PCDHGA9: variants seen among roughly 807,000 people sequenced by gnomAD.
PCDHGA9 encodes protocadherin gamma-A9.
In PCDHGA9, 37 loss-of-function variants were observed where a neutral mutation model predicts 62.5. The ratio of observed to expected loss-of-function variants is 0.59; its 90% CI spans 0.46 to 0.78. The LOEUF is 0.78. Ranked by LOEUF, PCDHGA9 falls within the 30% of genes least tolerant of loss-of-function variation. PCDHGA9 has a pLI of 0.00. For missense variants in PCDHGA9, 1,138 were observed against 1,166.2 expected (o/e 0.98, Z 0.35); for synonymous variants, 459 against 484.6 (o/e 0.95, Z 0.69).
chr5:141,415,355 G>A (rs1200011688), intron 1 of PCDHGA9: 2 of 1,614,210 alleles, frequency 1.2e-6, no homozygotes, highest in Non-Finnish European at 1.7e-6. Context: ...CACAAGTCAC[G>A]CCTGCTGCAG....
At chr5:141,479,982 C>T (rs368461965) in intron 1 of PCDHGA9, among the ~76,000 whole-genome samples, 1 of 152,192 alleles carries the variant, frequency 6.6e-6, no homozygotes, top group South Asian at 2.1e-4. Flanking sequence ...CTACCATTTA[C>T]CAACTAGGAG....
rs2099730037 is a variant in PCDHGA9 at position 141,491,783 on chromosome 5, A to G, written c.2425-3024A>G. The G allele has an allele frequency of 1.3e-6, 2 of 1,539,618 alleles. No homozygotes were observed. The highest frequency in any genetic ancestry group is 2.2e-5 in the Admixed American group (1 of 46,412). On this transcript the variant is annotated intron_variant, in intron 1 of 3. Transcript: ENST00000573521. The surrounding 1 kb of genome is among the most constrained non-coding windows in gnomAD (Gnocchi z 6.9). ...CGTCCTCATAAGGGATTGAACTTGC[A>G]TCCACTCCTCTCCGGCCGGCTTGGT...
chr5:141,477,765 A>C lies in PCDHGA9; in HGVS notation c.2425-17042A>C, dbSNP rs752391870. The C allele has an allele frequency of 6.2e-7, 1 of 1,614,026 alleles. No individual in the cohort carries two copies. Among genetic ancestry groups the C allele is most frequent in the Non-Finnish European group, 8.5e-7 (1 of 1,180,036 alleles). Reference sequence around the variant, plus strand: ...GGGGGCACCCCGGTCCTAGCCACCAACATCAGCGTGAACATATTTGTCACT... The same window carrying C: ...GGGGGCACCCCGGTCCTAGCCACCACCATCAGCGTGAACATATTTGTCACT... On this transcript the variant is annotated intron_variant, in intron 1 of 3. Coordinates refer to ENST00000573521, the MANE Select transcript of PCDHGA9 (RefSeq NM_018921.3). The surrounding 1 kb of genome is among the most constrained non-coding windows in gnomAD (Gnocchi z 4.9).
At chr5:141,413,454 G>A (rs765318722) in intron 1 of PCDHGA9, 46 of 1,614,026 alleles carry the variant, frequency 2.9e-5, no homozygotes, top group Non-Finnish European at 3.7e-5. Flanking sequence ...CCGCGGGCAG[G>A]ATAGACCGGG....
In PCDHGA9 at chr5:141,485,735, G is replaced by A; in HGVS notation, c.2425-9072G>A. 6.2e-7 allele frequency: 1 copy of A among 1,614,166 alleles called. No homozygotes were observed. The highest frequency in any genetic ancestry group is 8.5e-7 in the Non-Finnish European group (1 of 1,180,036). On this transcript the variant is annotated intron_variant, in intron 1 of 3. Coordinates refer to ENST00000573521, the MANE Select transcript of PCDHGA9 (RefSeq NM_018921.3). The surrounding 1 kb of genome is among the most constrained non-coding windows in gnomAD (Gnocchi z 5.7). Reference sequence around the variant, plus strand: ...ACTGGATGTGAAGAAGCGCAGCGACGGCAGCCTGGTCCCAGAGCTGCTCCT... The same window carrying A: ...ACTGGATGTGAAGAAGCGCAGCGACAGCAGCCTGGTCCCAGAGCTGCTCCT...
chr5:141,496,772 T>C (rs994207358), intron 2 of PCDHGA9, among the ~76,000 whole-genome samples: 9 of 152,008 alleles, frequency 5.9e-5, no homozygotes, highest in African/African-American at 1.2e-4. Flanking sequence ...GCATCTACTA[T>C]GAGCAGGGCC....
rs751276470 is a variant in PCDHGA9, at chr5:141,431,560, C to A, written c.2424+26184C>A. 6.2e-7 allele frequency: 1 copy of A among 1,614,104 alleles called. No individual in the cohort carries two copies. On this transcript the variant is annotated intron_variant, in intron 1 of 3. Coordinates refer to ENST00000573521, the MANE Select transcript of PCDHGA9 (RefSeq NM_018921.3). This position sits in a 1 kb window ranked among gnomAD's most constrained non-coding sequence, Gnocchi z 4.8. ...CGCAGCTGCTTGTAGTCAACGCTAC[C>A]GACCCTGACGAAGGAGTCAATGCGG...
intron 1 of PCDHGA9, chr5:141,419,057 A>T: frequency 6.2e-7 from 1 of 1,613,900 alleles, no homozygotes; most frequent in East Asian, 2.2e-5. Flanking sequence ...TTCTTCTAAT[A>T]ATTACTACAA....
chr5:141,418,906 C>T, intron 1 of PCDHGA9: 1 of 1,613,908 alleles, frequency 6.2e-7, no homozygotes, highest in Non-Finnish European at 8.5e-7. Flanking sequence ...AAATAATCAT[C>T]ACGTCACTCT....
At chr5:141,441,736 T>C in intron 1 of PCDHGA9, 1 of 365,328 alleles carries the variant, frequency 2.7e-6, no homozygotes. Flanking sequence ...CAGGACTAGC[T>C]CGCGCTCGGC....
At position 141,490,155 on chromosome 5, in the gene PCDHGA9, G is replaced by A. The variant is rs753981059; in HGVS notation, c.2425-4652G>A. On this transcript the variant is annotated intron_variant, in intron 1 of 3. Transcript: ENST00000573521. This position sits in a 1 kb window ranked among gnomAD's most constrained non-coding sequence, Gnocchi z 5.4. ...CTAGCAGTGGGGCAATCCATGTGTT[G>A]GGTCCCATAGACTTTGAGGAGTCAC... 2 of 1,614,214 alleles carry A rather than the reference G, an allele frequency of 1.2e-6. No individual in the cohort carries two copies. The highest frequency in any genetic ancestry group is 1.1e-5 in the South Asian group (1 of 91,086).
chr5:141,419,370 A>T, intron 1 of PCDHGA9: 1 of 1,613,692 alleles, frequency 6.2e-7, no homozygotes, highest in Non-Finnish European at 8.5e-7. Context: ...CTGTCGTCCT[A>T]CGTGTCCGTG....
At chr5:141,494,181 C>T (rs2099752517) in intron 1 of PCDHGA9, among the ~76,000 whole-genome samples, 1 of 152,136 alleles carries the variant, frequency 6.6e-6, no homozygotes, top group Non-Finnish European at 1.5e-5. Flanking sequence ...GAGAAGTGTC[C>T]CGGGACTTGG....
At chr5:141,412,195 C>T (rs1326751515) in intron 1 of PCDHGA9, 2 of 152,208 alleles carry the variant, frequency 1.3e-5, no homozygotes, top group African/African-American at 4.8e-5. Context: ...CTGATGAAAA[C>T]AGGTCATTTG....
chr5:141,505,418 A>T lies in PCDHGA9; in HGVS notation c.2509A>T (p.Thr837Ser). 1 of 1,614,186 alleles carries T rather than the reference A, an allele frequency of 6.2e-7. No homozygotes were observed. Among genetic ancestry groups the T allele is most frequent in the East Asian group, 2.2e-5 (1 of 44,876 alleles). The change falls in exon 3 of 4, where the codon ACC becomes TCC. Residue 837 changes from threonine to serine, a missense_variant. By Grantham distance (58) the Thr-to-Ser change is moderately conservative. Coordinates refer to ENST00000573521, the MANE Select transcript of PCDHGA9 (RefSeq NM_018921.3). ...SGSQNGDDTG[T>S]WPNNQFDTEM... ...CTCCCAAAATGGCGATGACACCGGC[A>T]CCTGGCCCAACAACCAGTTTGACAC...
At chr5:141,465,979 G>C (rs779605313) in intron 1 of PCDHGA9, among the ~76,000 whole-genome samples, 26 of 151,846 alleles carry the variant, frequency 1.7e-4, no homozygotes, top group Non-Finnish European at 3.8e-4. Flanking sequence ...AAAATTAGCC[G>C]GGCATGGTGG....
chr5:141,510,821 C>G, intron 3 of PCDHGA9, 126 bp from the exon 4 acceptor site: 2 of 1,559,324 alleles, frequency 1.3e-6, no homozygotes, highest in Non-Finnish European at 1.7e-6. Context: ...CCCCTATATT[C>G]CCAGTGCTCA....
chr5:141,468,983 AATT>A (rs958294955), intron 1 of PCDHGA9, among the ~76,000 whole-genome samples: 5 of 148,376 alleles, frequency 3.4e-5, no homozygotes, highest in Admixed American at 6.8e-5. Context: ...TGACTTCCAA[AATT>A]ATTGTTTTTG....
In PCDHGA9 at chr5:141,403,166, A is replaced by G. The variant is rs907710099; in HGVS notation, c.214A>G (p.Thr72Ala). ...RRVRIVSRGR[T>A]QLFSLNPRSG... is the part of the protein sequence containing the mutation. Reference sequence around the variant, plus strand: ...AGTCCGCATCGTCTCTAGAGGTAGGACGCAGCTTTTCTCTCTGAACCCGCG... The same window carrying G: ...AGTCCGCATCGTCTCTAGAGGTAGGGCGCAGCTTTTCTCTCTGAACCCGCG... The change falls in exon 1 of 4, where the codon ACG becomes GCG. Residue 72 changes from threonine to alanine, a missense_variant. Transcript: ENST00000573521. 2 of 1,614,002 alleles carry G rather than the reference A, an allele frequency of 1.2e-6. No homozygotes were observed. The highest frequency in any genetic ancestry group is 1.7e-6 in the Non-Finnish European group (2 of 1,179,894).
Sources: gnomAD v4.1 joint callset for allele counts (sites outside exome capture counted in the v4.1 genomes callset) on GRCh38, gnomAD v4.1.1 for gene constraint, Gnocchi (gnomAD v3.1) non-coding constraint, MANE v1.5 for transcripts, NCBI Gene and HGNC (gene_info 2026-07-23, HGNC 2026-07-21) for gene names.